The following PDE11A variants were observed in gnomAD, a reference collection of about 807,000 sequenced individuals.
PDE11A encodes the protein phosphodiesterase 11A.
In PDE11A, 100 loss-of-function variants were observed where a neutral mutation model predicts 100.5. The observed-to-expected ratio is 1.00, with a 90% CI of 0.85 to 1.18. The LOEUF (loss-of-function observed/expected upper bound fraction) is 1.18, where lower values mean the gene tolerates loss of function less well. Ranked by LOEUF, PDE11A falls within the 50% of genes most tolerant of loss-of-function variation. The pLI is 0.00. For synonymous variants in PDE11A, 381 were observed against 420.8 expected (o/e 0.91, Z 1.16); for missense variants, 1,141 against 1,152.6 (o/e 0.99, Z 0.15).
In PDE11A at chr2:177,680,897, TCTC is replaced by T. The variant is rs1342902993; in HGVS notation, c.2349_2351del (p.Arg784del). On this transcript the variant is annotated inframe_deletion, in exon 16 of 20. Coordinates refer to ENST00000286063, the MANE Select transcript of PDE11A (RefSeq NM_016953.4). The stretch of plus-strand genomic sequence containing the variant: ...TACTGACAAGTTCAAAGAATTCAGT[TCTC>T]CTCCTGCAGGAAAATCAAATGAAGA... 3 of 1,557,520 alleles carry T rather than the reference TCTC, an allele frequency of 1.9e-6. No individual in the cohort carries two copies. Among genetic ancestry groups the T allele is most frequent in the Non-Finnish European group, 2.7e-6 (3 of 1,130,230 alleles).
intron 1 of PDE11A, among the ~76,000 whole-genome samples, chr2:178,105,235 G>A (rs1318785722): frequency 2.0e-5 from 3 of 152,192 alleles, no homozygotes; most frequent in Non-Finnish European, 2.9e-5. Context: ...GCCAAGGCGG[G>A]CAAATCACAA....
chr2:177,824,586 T>C (rs1331652002), intron 6 of PDE11A, among the ~76,000 whole-genome samples: 1 of 152,210 alleles, frequency 6.6e-6, no homozygotes, highest in African/African-American at 2.4e-5. Flanking sequence ...ACATACTCTT[T>C]GACCTATCAA....
At chr2:177,818,767 T>C (rs2105583692) in intron 7 of PDE11A, among the ~76,000 whole-genome samples, 1 of 152,130 alleles carries the variant, frequency 6.6e-6, no homozygotes, top group African/African-American at 2.4e-5. Flanking sequence ...TTATACCAGA[T>C]GTTTTAGGGC....
intron 2 of PDE11A, among the ~76,000 whole-genome samples, chr2:178,010,694 G>T (rs2086264720): frequency 1.3e-5 from 2 of 152,138 alleles, no homozygotes; most frequent in Admixed American, 6.6e-5. Flanking sequence ...AGCAATCGAG[G>T]CTCTGTAGAA....
intron 1 of PDE11A, among the ~76,000 whole-genome samples, chr2:178,054,082 G>A (rs1251827873): frequency 1.3e-5 from 2 of 152,006 alleles, no homozygotes; most frequent in Admixed American, 1.3e-4. Flanking sequence ...AACAAAGCTG[G>A]AGGCGTCGCG....
chr2:177,922,247 T>C (rs1223192326), intron 2 of PDE11A, among the ~76,000 whole-genome samples: 5 of 152,084 alleles, frequency 3.3e-5, no homozygotes, highest in Non-Finnish European at 5.9e-5. Context: ...TCTGTGTGTA[T>C]CCAACAGCTT....
At chr2:177,805,417 C>A (rs2365898) in intron 9 of PDE11A, among the ~76,000 whole-genome samples, 151,433 of 152,144 alleles carry the variant, frequency 1, 75,367 homozygotes, top group Middle Eastern at 1. Context: ...AGTGCCCAAC[C>A]CAATGCTTAG....
intron 1 of PDE11A, among the ~76,000 whole-genome samples, chr2:178,049,538 G>A (rs952369591): frequency 7.2e-5 from 11 of 152,180 alleles, no homozygotes; most frequent in Admixed American, 4.6e-4. Flanking sequence ...AGCATGAGCC[G>A]AAGCAGGGCA....
chr2:177,783,938 C>T (rs2082492668), intron 9 of PDE11A, among the ~76,000 whole-genome samples: 1 of 152,078 alleles, frequency 6.6e-6, no homozygotes, highest in Admixed American at 6.5e-5. Flanking sequence ...AAGTTCCAGA[C>T]AAACATGATA....
intron 10 of PDE11A, among the ~76,000 whole-genome samples, chr2:177,764,719 A>G (rs975088616): frequency 1.3e-5 from 2 of 152,224 alleles, no homozygotes; most frequent in African/African-American, 4.8e-5. Flanking sequence ...TTTTCTGTAT[A>G]TAACTTTCTT....
chr2:178,058,175 C>T (rs557614357), intron 1 of PDE11A, among the ~76,000 whole-genome samples: 83 of 152,314 alleles, frequency 5.4e-4, no homozygotes, highest in African/African-American at 1.7e-3. Context: ...GCATTATTAG[C>T]TAAACCCCCT....
intron 14 of PDE11A, among the ~76,000 whole-genome samples, chr2:177,699,941 T>C (rs2081172805): frequency 6.6e-6 from 1 of 152,218 alleles, no homozygotes; most frequent in Non-Finnish European, 1.5e-5. Context: ...ATAATACTTG[T>C]TATTACAAAG....
chr2:177,920,581 T>C (rs1484380587), intron 2 of PDE11A, among the ~76,000 whole-genome samples: 4 of 152,152 alleles, frequency 2.6e-5, no homozygotes, highest in African/African-American at 9.7e-5. Flanking sequence ...GGGAGATTCA[T>C]TGGTGCAACA....
chr2:177,838,547 C>T (rs1031134210), intron 6 of PDE11A, among the ~76,000 whole-genome samples: 9 of 152,148 alleles, frequency 5.9e-5, no homozygotes, highest in African/African-American at 2.2e-4. Context: ...CGGATCTTAA[C>T]TGCTTCCTGC....
At chr2:177,906,836 A>T (rs2084797196) in intron 2 of PDE11A, among the ~76,000 whole-genome samples, 1 of 152,136 alleles carries the variant, frequency 6.6e-6, no homozygotes, top group Admixed American at 6.5e-5. Flanking sequence ...TTTCAATATC[A>T]CCTACACATA....
chr2:178,036,674 T>C (rs1011646550), intron 1 of PDE11A, among the ~76,000 whole-genome samples: 2 of 151,922 alleles, frequency 1.3e-5, no homozygotes, highest in East Asian at 1.9e-4. Flanking sequence ...CCAAAACAGA[T>C]ACATAGACCA....
intron 2 of PDE11A, among the ~76,000 whole-genome samples, chr2:178,100,714 T>A (rs1326560675): frequency 6.6e-6 from 1 of 152,176 alleles, no homozygotes; most frequent in Non-Finnish European, 1.5e-5. Context: ...AATTCTTAAA[T>A]AATATTAAAC....
At chr2:177,733,544 T>G (rs115233884) in intron 10 of PDE11A, among the ~76,000 whole-genome samples, 1,608 of 152,300 alleles carry the variant, frequency 0.011, 34 homozygotes, top group African/African-American at 0.036. Context: ...GACACATGAA[T>G]ATTACATTTT....
chr2:178,051,954 C>T (rs1479370806), intron 1 of PDE11A, among the ~76,000 whole-genome samples: 3 of 151,994 alleles, frequency 2.0e-5, no homozygotes, highest in Non-Finnish European at 2.9e-5. Flanking sequence ...GACAGATCAA[C>T]GAGACAGAAA....
Sources: allele counts gnomAD v4.1 joint callset (sites outside exome capture counted in the v4.1 genomes callset), GRCh38; gene constraint gnomAD v4.1.1; transcripts MANE v1.5; gene names NCBI Gene and HGNC (gene_info 2026-07-23, HGNC 2026-07-21).